LRP2: variants seen among roughly 807,000 people sequenced by gnomAD.
The protein encoded by LRP2 is LDL receptor related protein 2.
LRP2 carries 172 observed loss-of-function variants against 531.0 expected under a neutral mutation model. The observed-to-expected ratio is 0.32, with a 90% CI of 0.29 to 0.37. The LOEUF (loss-of-function observed/expected upper bound fraction) is 0.37, where lower values mean the gene tolerates loss of function less well. Ranked by LOEUF, LRP2 falls within the 10% of genes least tolerant of loss-of-function variation. The probability of loss-of-function intolerance (pLI) is 1.00; values close to 1 mark genes in which losing one functional copy is unlikely to be tolerated. For synonymous variants in LRP2, 1,992 were observed against 2,027.6 expected (o/e 0.98, Z 0.47); for missense variants, 5,167 against 5,868.3 (o/e 0.88, Z 3.90).
rs116827255 is a variant in LRP2 at position 169,193,439 on chromosome 2, A to G, written c.8830+322T>C. Among the ~76,000 whole-genome samples the G allele has an allele frequency of 5.4e-3, 816 of 150,782 alleles. 6 individuals are homozygous for G. The highest frequency in any genetic ancestry group is 0.045 in the Middle Eastern group (13 of 292). ...GAGTAAGACCTTGTCAAAAAAAAAAAAAAAGAAAGAAAGAAAAGAAAAAAG... is the reference window on the plus strand; with the variant it reads ...GAGTAAGACCTTGTCAAAAAAAAAAGAAAAGAAAGAAAGAAAAGAAAAAAG... On this transcript the variant is annotated intron_variant, in intron 47 of 78. Transcript: ENST00000649046.
chr2:169,156,689 T>C (rs1275403480), intron 64 of LRP2, among the ~76,000 whole-genome samples: 1 of 152,218 alleles, frequency 6.6e-6, no homozygotes, highest in Non-Finnish European at 1.5e-5. Context: ...TTAAACTCTA[T>C]GACTCTGCAA....
At chr2:169,179,574 G>A (rs1200339889) in intron 52 of LRP2, among the ~76,000 whole-genome samples, 1 of 152,038 alleles carries the variant, frequency 6.6e-6, no homozygotes, top group Admixed American at 6.5e-5. Flanking sequence ...TACAAAATTA[G>A]CCAGGTGTGG....
At chr2:169,269,718 C>T (rs1224362613) in intron 16 of LRP2, among the ~76,000 whole-genome samples, 1 of 152,150 alleles carries the variant, frequency 6.6e-6, no homozygotes, top group Non-Finnish European at 1.5e-5. Flanking sequence ...GACTGCAACA[C>T]CAAAAGCAAT....
rs776606518 is a variant in LRP2, at chr2:169,272,949, A to G, written c.2094T>C (p.Asp698=). 3 of 1,613,632 alleles carry G rather than the reference A, an allele frequency of 1.9e-6. No homozygotes were observed. The highest frequency in any genetic ancestry group is 2.7e-5 in the African/African-American group (2 of 74,892). ...RCKCTFGFQL[D]TDERHCIAVQ... is the part of the protein sequence containing the mutation. ...TACCAATGCAGTGGCGCTCATCTGT[A>G]TCCAGTTGGAAGCCGAATGTGCACT... The change falls in exon 15 of 79, where the codon GAT becomes GAC. Residue 698 remains aspartate, a synonymous_variant. Coordinates refer to ENST00000649046, the MANE Select transcript of LRP2 (RefSeq NM_004525.3).
In LRP2 at chr2:169,313,698, A is replaced by T. The variant is rs528908323; in HGVS notation, c.310+5064T>A. 2.6e-5 allele frequency among the ~76,000 whole-genome samples: 4 copies of T among 152,168 alleles called. No individual in the cohort carries two copies. The East Asian group carries it at 5.8e-4, about 22-fold the overall frequency. ...GTAGTCTGTCCATTCTCAGATCTCAAACTCTGTGCTGGGAGATCCACTACT... is the reference window on the plus strand; with the variant it reads ...GTAGTCTGTCCATTCTCAGATCTCATACTCTGTGCTGGGAGATCCACTACT... On this transcript the variant is annotated intron_variant, in intron 3 of 78. Transcript: ENST00000649046.
intron 1 of LRP2, among the ~76,000 whole-genome samples, chr2:169,345,913 T>A (rs1209759610): frequency 6.6e-6 from 1 of 152,182 alleles, no homozygotes; most frequent in Non-Finnish European, 1.5e-5. Context: ...TCCACCAATG[T>A]GCCCATAGAA....
In LRP2 at chr2:169,362,330, T is replaced by C. The variant is rs772782805; in HGVS notation, c.70A>G (p.Ser24Gly). The C allele has an allele frequency of 6.4e-7, 1 of 1,561,904 alleles. No individual in the cohort carries two copies. The highest frequency in any genetic ancestry group is 8.7e-7 in the Non-Finnish European group (1 of 1,154,030). ...LALVACLAPA[S>G]GQECDSAHFR... ...CTGGCTGGGCTCTTACCTTGGCCAC[T>C]GGCCGGCGCTAGGCAGGCGACGAGA... Residue 24 changes from serine (S) to glycine (G), a missense_variant, in exon 1 of 79, where the codon AGT becomes GGT. Ser to Gly is a moderately conservative substitution (Grantham distance 56). This residue lies in a region of LRP2 where 2,811 missense variants were observed against 3,058.0 expected (regional missense o/e 0.92). Transcript: ENST00000649046.
intron 3 of LRP2, among the ~76,000 whole-genome samples, chr2:169,314,007 T>C (rs1414080752): frequency 6.6e-6 from 1 of 152,232 alleles, no homozygotes; most frequent in Non-Finnish European, 1.5e-5. Flanking sequence ...TTTACTTATA[T>C]GTAGTATAGA....
chr2:169,156,354 G>T lies in LRP2; in HGVS notation c.12071C>A (p.Thr4024Asn). The change falls in exon 65 of 79, where the codon ACC (threonine) becomes AAC (asparagine). Residue 4024 changes from threonine (T) to asparagine (N), a missense_variant. Physicochemically the swap from Thr to Asn is moderately conservative, Grantham distance 65 (BLOSUM62 0). Coordinates refer to ENST00000649046, the MANE Select transcript of LRP2 (RefSeq NM_004525.3). ...FGTCPQHCRN[T>N]KGSYECVCAD... is the part of the protein sequence containing the mutation. ...ACAGACACACTCATAACTTCCTTTG[G>T]TATTTCTGCAGTGCTGGGGACAAGT... The T allele has an allele frequency of 6.2e-7, 1 of 1,613,606 alleles. No individual in the cohort carries two copies. The highest frequency in any genetic ancestry group is 8.5e-7 in the Non-Finnish European group (1 of 1,179,682).
At position 169,172,121 on chromosome 2, in the gene LRP2, G is replaced by A; in HGVS notation, c.11157C>T (p.Cys3719=). Residue 3719 remains cysteine (C), a synonymous_variant, in exon 58 of 79, where the codon TGC becomes TGT. Transcript: ENST00000649046. The part of the protein sequence containing the change: ...SDEQGCEERT[C]HPVGDFRCKN... Reference sequence around the variant, plus strand: ...TACAGCGGAAATCCCCCACAGGATGGCATGTCCTCTCCTCTGCAAAGCAGT... The same window carrying A: ...TACAGCGGAAATCCCCCACAGGATGACATGTCCTCTCCTCTGCAAAGCAGT... 1 of 1,614,170 alleles carries A rather than the reference G, an allele frequency of 6.2e-7. No individual in the cohort carries two copies. Among genetic ancestry groups the A allele is most frequent in the Non-Finnish European group, 8.5e-7 (1 of 1,180,008 alleles).
intron 33 of LRP2, among the ~76,000 whole-genome samples, chr2:169,223,877 T>A (rs980958094): frequency 1.3e-5 from 2 of 152,190 alleles, no homozygotes; most frequent in African/African-American, 4.8e-5. Flanking sequence ...TCAGGAATGT[T>A]GTGAGGATTA....
intron 3 of LRP2, among the ~76,000 whole-genome samples, 169 bp from the exon 4 acceptor site, chr2:169,307,566 T>G (rs1367937180): frequency 6.7e-6 from 1 of 148,804 alleles, no homozygotes; most frequent in African/African-American, 2.6e-5. Flanking sequence ...TATAATGTTA[T>G]CAAAATGCCC....
chr2:169,248,278 T>C (rs191840384), intron 19 of LRP2, among the ~76,000 whole-genome samples: 1,580 of 152,366 alleles, frequency 0.01, 26 homozygotes, highest in African/African-American at 0.036. Flanking sequence ...ATTGCATCAA[T>C]GTGGATTTTC....
rs751375925 is a variant in LRP2, at chr2:169,173,987, G to A, written c.10946C>T (p.Pro3649Leu). 25 of 1,614,082 alleles carry A rather than the reference G, an allele frequency of 1.5e-5. No homozygotes were observed. Among genetic ancestry groups the A allele is most frequent in the African/African-American group, 5.3e-5 (4 of 74,940 alleles). The change falls in exon 56 of 79, where the codon CCG becomes CTG. Residue 3649 changes from proline (P) to leucine (L), a missense_variant. Transcript: ENST00000649046. The stretch of plus-strand genomic sequence containing the variant: ...ATCCACATCACACTTCCAGGCCTGC[G>A]GGATGCAGCGGCCATTAGCACACCG... Reference protein sequence around the residue: ...QFRCANGRCIPQAWKCDVDND... With the variant: ...QFRCANGRCILQAWKCDVDND...
intron 33 of LRP2, among the ~76,000 whole-genome samples, chr2:169,222,283 C>T (rs1689047112): frequency 6.6e-6 from 1 of 152,152 alleles, no homozygotes; most frequent in South Asian, 2.1e-4. Context: ...TCTGTATTTA[C>T]AGGATACCTC....
rs777093582 is a variant in LRP2, at chr2:169,239,551, C to A, written c.4270G>T (p.Asp1424Tyr). Residue 1424 changes from aspartate (D) to tyrosine (Y), a missense_variant, in exon 26 of 79, where the codon GAT becomes TAT. Asp to Tyr is a radical substitution (Grantham distance 160). This residue lies in a region of LRP2 where 2,811 missense variants were observed against 3,058.0 expected (regional missense o/e 0.92). Transcript: ENST00000649046. ...SCDTGYMLES[D>Y]GRTCKVTASE... ...CCTGTAACTTTGCAAGTCCTCCCAT[C>A]ACTTTCTAACATGTAGCCTGTATCA... is the stretch of plus-strand genomic sequence containing the variant. 10 of 1,613,960 alleles carry A rather than the reference C, an allele frequency of 6.2e-6. No homozygotes were observed. The Admixed American group carries it at 1.7e-4, about 27-fold the overall frequency.
intron 1 of LRP2, among the ~76,000 whole-genome samples, chr2:169,361,969 G>T (rs78461032): frequency 1.3e-5 from 2 of 152,206 alleles, no homozygotes; most frequent in South Asian, 4.1e-4. Context: ...AACTCCGCTA[G>T]GGAGGGCAGG....
At chr2:169,156,448 C>T in intron 64 of LRP2, 43 bp from the exon 65 acceptor site, 1 of 1,611,650 alleles carries the variant, frequency 6.2e-7, no homozygotes. Context: ...CTGTTCCCAT[C>T]CATTCCTTAG....
At chr2:169,294,328 A>G in intron 5 of LRP2, 67 bp from the exon 6 acceptor site, 1 of 954,518 alleles carries the variant, frequency 1.0e-6, no homozygotes, top group East Asian at 2.4e-5. Context: ...ATTTAATCTC[A>G]AAGGAAGAGC....
Sources: gnomAD v4.1 joint callset for allele counts (sites outside exome capture counted in the v4.1 genomes callset) on GRCh38, gnomAD v4.1.1 for gene constraint, gnomAD v4.1.1 regional missense constraint, MANE v1.5 for transcripts, NCBI Gene and HGNC (gene_info 2026-07-23, HGNC 2026-07-21) for gene names.